The following CALN1 variants were observed in gnomAD, a reference collection of about 807,000 sequenced individuals.
CALN1 encodes calneuron 1, also known as calcium-binding protein 8.
Under a neutral mutation model 30.6 loss-of-function variants are expected in CALN1, and 17 were observed. The ratio of observed to expected loss-of-function variants is 0.56; its 90% CI spans 0.38 to 0.83. CALN1 has a LOEUF of 0.83. Ranked by LOEUF, CALN1 falls within the 40% of genes least tolerant of loss-of-function variation. The pLI is 0.00. For missense variants in CALN1, 291 were observed against 354.9 expected, an observed-to-expected ratio of 0.82 and a Z score of 1.45; for synonymous variants, 156 against 131.4, an observed-to-expected ratio of 1.19 and a Z score of -1.28.
intron 1 of CALN1, among the ~76,000 whole-genome samples, chr7:72,436,883 C>T (rs1042948602): frequency 2.0e-5 from 3 of 152,064 alleles, no homozygotes; most frequent in Admixed American, 6.6e-5. Flanking sequence ...TGAGCCTGGG[C>T]AACACAGCGA....
intron 5 of CALN1, among the ~76,000 whole-genome samples, chr7:71,989,849 G>A (rs1798858436): frequency 6.6e-6 from 1 of 152,118 alleles, no homozygotes; most frequent in Non-Finnish European, 1.5e-5. Flanking sequence ...AACAGAAGCA[G>A]GAGGAGAAGA....
chr7:72,279,627 G>A (rs564078663), intron 2 of CALN1, among the ~76,000 whole-genome samples: 48 of 152,214 alleles, frequency 3.2e-4, no homozygotes, highest in Middle Eastern at 3.4e-3. Flanking sequence ...TCCAGGCTAC[G>A]GAAAAAAGAG....
At chr7:72,274,368 C>T (rs892808207) in intron 3 of CALN1, among the ~76,000 whole-genome samples, 12 of 152,066 alleles carry the variant, frequency 7.9e-5, no homozygotes, top group African/African-American at 2.7e-4. Flanking sequence ...ATTAGTCAGG[C>T]GTGGTGGCAC....
At chr7:72,503,078 G>A in the CALN1 span, among the ~76,000 whole-genome samples, 5 of 152,104 alleles carry the variant, frequency 3.3e-5, no homozygotes, top group Non-Finnish European at 5.9e-5. Context: ...TCTGGGAAGC[G>A]GTGGTTGTAG....
At chr7:72,117,151 A>C (rs1808042579) in intron 3 of CALN1, among the ~76,000 whole-genome samples, 1 of 152,130 alleles carries the variant, frequency 6.6e-6, no homozygotes, top group African/African-American at 2.4e-5. Context: ...CATCTCTACA[A>C]AAAATTAAAA....
At chr7:72,299,681 GCTCTT>G (rs973303642) in intron 2 of CALN1, among the ~76,000 whole-genome samples, 1 of 143,620 alleles carries the variant, frequency 7.0e-6, no homozygotes, top group Non-Finnish European at 1.5e-5. Flanking sequence ...TTTAAAAGAT[GCTCTT>G]ATCTTTTTTT....
At chr7:72,272,420 G>A (rs1216538415) in intron 3 of CALN1, among the ~76,000 whole-genome samples, 1 of 151,918 alleles carries the variant, frequency 6.6e-6, no homozygotes, top group African/African-American at 2.4e-5. Flanking sequence ...AAATTAGCTG[G>A]GTGTGGTGGT....
At chr7:72,274,223 C>A (rs1797193560) in intron 3 of CALN1, among the ~76,000 whole-genome samples, 1 of 152,074 alleles carries the variant, frequency 6.6e-6, no homozygotes. Context: ...GATAGCATTA[C>A]AAGGCCAAGC....
At chr7:71,835,717 T>C (rs1487334538) in intron 5 of CALN1, among the ~76,000 whole-genome samples, 1 of 152,100 alleles carries the variant, frequency 6.6e-6, no homozygotes, top group African/African-American at 2.4e-5. Flanking sequence ...TAGGTAGAGA[T>C]CACATCTAGG....
At chr7:72,268,267 A>T (rs564854884) in intron 3 of CALN1, among the ~76,000 whole-genome samples, 2 of 152,066 alleles carry the variant, frequency 1.3e-5, no homozygotes, top group South Asian at 4.1e-4. Context: ...AAAAGCGGAG[A>T]AGGAGGAAGG....
chr7:72,496,403 T>A, the CALN1 span, among the ~76,000 whole-genome samples: 1 of 152,240 alleles, frequency 6.6e-6, no homozygotes, highest in Non-Finnish European at 1.5e-5. Flanking sequence ...TGATAACAAC[T>A]GTAAACAATG....
chr7:72,385,399 G>A (rs1166557374), intron 2 of CALN1, among the ~76,000 whole-genome samples: 2 of 152,052 alleles, frequency 1.3e-5, no homozygotes, highest in South Asian at 2.1e-4. Context: ...AAGCAATTAA[G>A]GTGTCCTTTA....
chr7:71,867,229 C>G (rs1791640143), intron 5 of CALN1, among the ~76,000 whole-genome samples: 1 of 151,456 alleles, frequency 6.6e-6, no homozygotes, highest in Admixed American at 6.6e-5. Context: ...TAAAAATCAA[C>G]AGCTATATTA....
At chr7:71,870,699 G>A (rs1052514242) in intron 5 of CALN1, among the ~76,000 whole-genome samples, 3 of 152,158 alleles carry the variant, frequency 2.0e-5, no homozygotes, top group Non-Finnish European at 2.9e-5. Context: ...CCAATCAGCC[G>A]AGATCAATAG....
At chr7:72,309,102 G>C (rs1227630410) in intron 2 of CALN1, among the ~76,000 whole-genome samples, 2 of 152,134 alleles carry the variant, frequency 1.3e-5, no homozygotes, top group African/African-American at 2.4e-5. Flanking sequence ...AGGCAGTTTA[G>C]CTCCAGAGGC....
chr7:71,937,773 C>T (rs1192716997), intron 5 of CALN1, among the ~76,000 whole-genome samples: 1 of 152,212 alleles, frequency 6.6e-6, no homozygotes, highest in Admixed American at 6.5e-5. Context: ...GCCACTGCAC[C>T]TGCCAACTCT....
chr7:71,811,365 G>A (rs1787947822), intron 5 of CALN1, among the ~76,000 whole-genome samples: 3 of 152,128 alleles, frequency 2.0e-5, no homozygotes, highest in Non-Finnish European at 2.9e-5. Context: ...GAGCCACTGC[G>A]CCTGTCTAAC....
intron 5 of CALN1, among the ~76,000 whole-genome samples, chr7:71,952,022 G>A (rs1305589785): frequency 1.3e-5 from 2 of 152,122 alleles, no homozygotes; most frequent in Admixed American, 1.3e-4. Flanking sequence ...TGATGGTGGA[G>A]GGAGAACCAG....
intron 5 of CALN1, among the ~76,000 whole-genome samples, chr7:71,975,381 A>G (rs763574790): frequency 4.6e-5 from 7 of 152,164 alleles, no homozygotes; most frequent in African/African-American, 7.2e-5. Context: ...TCCATATCCA[A>G]TATCTTCCAT....
Sources: gnomAD v4.1 joint callset for allele counts (sites outside exome capture counted in the v4.1 genomes callset) on GRCh38, gnomAD v4.1.1 for gene constraint, MANE v1.5 for transcripts, NCBI Gene and HGNC (gene_info 2026-07-23, HGNC 2026-07-21) for gene names.